Variants in DDR2 observed in about 807,000 individuals in gnomAD.
DDR2 encodes discoidin domain receptor tyrosine kinase 2, also known as discoidin domain-containing receptor 2.
In DDR2, 27 loss-of-function variants were observed where a neutral mutation model predicts 94.9. That is an observed-to-expected ratio of 0.28 (90% CI 0.21 to 0.39). DDR2 has a LOEUF of 0.39. Ranked by LOEUF, DDR2 falls within the 10% of genes least tolerant of loss-of-function variation. DDR2 has a pLI of 1.00. For missense variants in DDR2, 783 were observed against 1,076.0 expected (o/e 0.73, Z 3.81); for synonymous variants, 382 against 377.2 (o/e 1.01, Z -0.15).
intron 2 of DDR2, among the ~76,000 whole-genome samples, chr1:162,690,387 C>A (rs1186775642): frequency 5.9e-5 from 9 of 152,068 alleles, no homozygotes; most frequent in Non-Finnish European, 1.3e-4. Context: ...CCAGCTCTGC[C>A]AAAATGTCAA....
intron 3 of DDR2, among the ~76,000 whole-genome samples, chr1:162,751,051 A>T (rs1663169409): frequency 6.6e-6 from 1 of 152,220 alleles, no homozygotes; most frequent in African/African-American, 2.4e-5. Context: ...CCCTAGAAGA[A>T]AACCTAGGCA....
chr1:162,750,412 A>T (rs1162620951), intron 3 of DDR2, among the ~76,000 whole-genome samples: 7 of 152,198 alleles, frequency 4.6e-5, no homozygotes, highest in African/African-American at 1.2e-4. Context: ...AAAGAGAATA[A>T]AATACCTAGG....
At chr1:162,724,696 G>A (rs1442762434) in intron 3 of DDR2, among the ~76,000 whole-genome samples, 2 of 152,148 alleles carry the variant, frequency 1.3e-5, no homozygotes, top group Non-Finnish European at 2.9e-5. Context: ...TAACGAGAAG[G>A]TGATGCTAGT....
intron 2 of DDR2, among the ~76,000 whole-genome samples, chr1:162,712,418 C>T (rs1377209705): frequency 6.6e-6 from 1 of 151,856 alleles, no homozygotes; most frequent in Non-Finnish European, 1.5e-5. Flanking sequence ...ATTTGTGAGA[C>T]ATTTAACCTC....
intron 2 of DDR2, among the ~76,000 whole-genome samples, chr1:162,662,434 C>A (rs2101922221): frequency 6.6e-6 from 1 of 152,296 alleles, no homozygotes; most frequent in Middle Eastern, 3.4e-3. Context: ...ACATTTACTT[C>A]TCTGCTTTTG....
At chr1:162,755,081 A>G in intron 5 of DDR2, 75 bp from the exon 6 acceptor site, 1 of 1,602,116 alleles carries the variant, frequency 6.2e-7, no homozygotes, top group South Asian at 1.1e-5. Context: ...AGAGTCCATC[A>G]AAAACGTGGT....
intron 2 of DDR2, among the ~76,000 whole-genome samples, chr1:162,714,677 T>A (rs1661078692): frequency 6.6e-6 from 1 of 152,192 alleles, no homozygotes; most frequent in Non-Finnish European, 1.5e-5. Context: ...ATTACTCTAT[T>A]TTATTTTCTT....
At chr1:162,747,885 A>C (rs1160473890) in intron 3 of DDR2, among the ~76,000 whole-genome samples, 2 of 152,226 alleles carry the variant, frequency 1.3e-5, no homozygotes, top group Non-Finnish European at 2.9e-5. Context: ...CCAGAATTTC[A>C]TATCCAGCCA....
intron 3 of DDR2, among the ~76,000 whole-genome samples, chr1:162,729,300 ATTTTTTT>A (rs869269032): frequency 3.8e-4 from 36 of 94,000 alleles, no homozygotes; most frequent in African/African-American, 1.7e-3. Flanking sequence ...ATATATATAT[ATTTTTTT>A]TTTTTTTTTT....
At chr1:162,729,298 ATATTTTTTTTTTTT>A (rs1661892973) in intron 3 of DDR2, among the ~76,000 whole-genome samples, 2 of 34,448 alleles carry the variant, frequency 5.8e-5, no homozygotes, top group Non-Finnish European at 1.8e-4. Flanking sequence ...ATATATATAT[ATATTTTTTTTTTTT>A]TTTTTTTTCC....
chr1:162,707,931 G>A (rs1660732333), intron 2 of DDR2, among the ~76,000 whole-genome samples: 1 of 152,162 alleles, frequency 6.6e-6, no homozygotes, highest in Non-Finnish European at 1.5e-5. Flanking sequence ...ATAGAAAAGT[G>A]TCCCTAAACC....
chr1:162,710,821 A>G (rs948599388), intron 2 of DDR2, among the ~76,000 whole-genome samples: 4 of 151,804 alleles, frequency 2.6e-5, no homozygotes, highest in Admixed American at 1.3e-4. Flanking sequence ...ACTTGACCTC[A>G]GTCCCTTTAT....
At chr1:162,695,482 C>T (rs534999946) in intron 2 of DDR2, among the ~76,000 whole-genome samples, 1 of 152,138 alleles carries the variant, frequency 6.6e-6, no homozygotes, top group South Asian at 2.1e-4. Flanking sequence ...CCACCTGCCT[C>T]GGCCTCCCAA....
chr1:162,741,328 C>G (rs900343505), intron 3 of DDR2, among the ~76,000 whole-genome samples: 2 of 129,598 alleles, frequency 1.5e-5, no homozygotes, highest in Non-Finnish European at 3.3e-5. Context: ...ATAAATTTAC[C>G]CAGGTGAGCA....
chr1:162,719,273 T>C, intron 3 of DDR2, 128 bp downstream of exon 3: 1 of 1,524,820 alleles, frequency 6.6e-7, no homozygotes, highest in Non-Finnish European at 8.8e-7. Flanking sequence ...ATCTCCATGG[T>C]GAAATATGAC....
rs372704893 is a variant in DDR2 at position 162,759,880 on chromosome 1, C to A, written c.756C>A (p.Pro252=). Residue 252 remains proline (P), a synonymous_variant, in exon 8 of 18, where the codon CCC becomes CCA. Transcript: ENST00000367921. Reference sequence around the variant, plus strand: ...AGACCCATGAATACCACGTGTGGCCCGGCTATGACTATGTGGGCTGGCGGA... The same window carrying A: ...AGACCCATGAATACCACGTGTGGCCAGGCTATGACTATGTGGGCTGGCGGA... ...FTQTHEYHVW[P]GYDYVGWRNE... is the part of the protein sequence containing the mutation. The A allele has an allele frequency of 1.2e-6, 2 of 1,614,098 alleles. No individual in the cohort carries two copies. Among genetic ancestry groups the A allele is most frequent in the Non-Finnish European group, 1.7e-6 (2 of 1,180,008 alleles).
At chr1:162,730,411 A>G (rs1661984818) in intron 3 of DDR2, among the ~76,000 whole-genome samples, 1 of 152,186 alleles carries the variant, frequency 6.6e-6, no homozygotes. Flanking sequence ...ACATAAAGGA[A>G]AATGTGGTTA....
At position 162,775,768 on chromosome 1, in the gene DDR2, A is replaced by C; in HGVS notation, c.1973A>C (p.Glu658Ala). 6.2e-7 allele frequency: 1 copy of C among 1,614,142 alleles called. No homozygotes were observed. The highest frequency in any genetic ancestry group is 2.2e-5 in the East Asian group (1 of 44,876). ...CTCTGTATGATCACTGAATACATGGAGAATGGAGATCTCAATCAGTTTCTT... is the reference window on the plus strand; with the variant it reads ...CTCTGTATGATCACTGAATACATGGCGAATGGAGATCTCAATCAGTTTCTT... ...DPLCMITEYM[E>A]NGDLNQFLSR... The change falls in exon 15 of 18, where the codon GAG (glutamate) becomes GCG (alanine). Residue 658 changes from glutamate to alanine, a missense_variant. This residue lies in a region of DDR2 where 264 missense variants were observed against 428.2 expected (regional missense o/e 0.62). Coordinates refer to ENST00000367921, the MANE Select transcript of DDR2 (RefSeq NM_006182.4).
intron 2 of DDR2, among the ~76,000 whole-genome samples, chr1:162,717,965 A>G (rs1276505919): frequency 1.3e-5 from 2 of 152,200 alleles, no homozygotes; most frequent in African/African-American, 4.8e-5. Flanking sequence ...GGGAGATAGT[A>G]ATGCTTCATT....
Sources: allele counts gnomAD v4.1 joint callset (sites outside exome capture counted in the v4.1 genomes callset), GRCh38; gene constraint gnomAD v4.1.1; regional missense constraint gnomAD v4.1.1; transcripts MANE v1.5; gene names NCBI Gene and HGNC (gene_info 2026-07-23, HGNC 2026-07-21).